The following JAZF1 variants were observed in gnomAD, a reference collection of about 807,000 sequenced individuals.
The protein encoded by JAZF1 is juxtaposed with another zinc finger protein 1.
JAZF1 carries 8 observed loss-of-function variants against 26.4 expected under a neutral mutation model. That is an observed-to-expected ratio of 0.30 (90% CI 0.18 to 0.55). The LOEUF (loss-of-function observed/expected upper bound fraction) is 0.55. JAZF1 is among the 20% of genes least tolerant of loss of function. The pLI, the probability that JAZF1 is intolerant of heterozygous loss-of-function variation, is 0.94. For synonymous variants in JAZF1, 126 were observed against 122.3 expected (o/e 1.03, Z -0.20); for missense variants, 199 against 322.0 (o/e 0.62, Z 2.92).
chr7:28,072,464 A>G lies in JAZF1; in HGVS notation c.116-80483T>C, dbSNP rs192789224. On this transcript the variant is annotated intron_variant, in intron 1 of 4. Transcript: ENST00000283928. ...TATGGATATGGCTATATGCAACTCT[A>G]TGCTTAAATAGCATATAACAATTCC... Among the ~76,000 whole-genome samples, 123 of 152,384 alleles carry G rather than the reference A, an allele frequency of 8.1e-4. 1 individual carries two copies. Among genetic ancestry groups the G allele is most frequent in the Non-Finnish European group, 9.0e-4 (61 of 68,040 alleles).
At chr7:28,148,400 T>A (rs994783122) in intron 1 of JAZF1, among the ~76,000 whole-genome samples, 1 of 152,182 alleles carries the variant, frequency 6.6e-6, no homozygotes, top group Non-Finnish European at 1.5e-5. Context: ...CTACACACCA[T>A]AATTTTTTAG....
At chr7:28,080,662 G>A (rs527291310) in intron 1 of JAZF1, among the ~76,000 whole-genome samples, 50 of 152,298 alleles carry the variant, frequency 3.3e-4, no homozygotes, top group Middle Eastern at 3.4e-3. Flanking sequence ...GAATAGGCAG[G>A]CTCAGGGAGA....
At chr7:28,057,459 A>C (rs1235933495) in intron 1 of JAZF1, among the ~76,000 whole-genome samples, 1 of 152,178 alleles carries the variant, frequency 6.6e-6, no homozygotes, top group Admixed American at 6.5e-5. Flanking sequence ...TATATGTATT[A>C]TCTCATTTAA....
chr7:27,982,252 A>G (rs1260047718), intron 2 of JAZF1, among the ~76,000 whole-genome samples: 1 of 152,052 alleles, frequency 6.6e-6, no homozygotes, highest in East Asian at 1.9e-4. Flanking sequence ...CTCCCATCCT[A>G]ATACTGCACT....
intron 1 of JAZF1, among the ~76,000 whole-genome samples, chr7:28,160,226 T>G (rs1444390170): frequency 1.3e-5 from 2 of 152,014 alleles, no homozygotes; most frequent in Non-Finnish European, 2.9e-5. Context: ...TGGGGGTACA[T>G]AGTGAAAAAA....
At chr7:28,134,586 T>A (rs1782849305) in intron 1 of JAZF1, among the ~76,000 whole-genome samples, 1 of 151,924 alleles carries the variant, frequency 6.6e-6, no homozygotes, top group South Asian at 2.1e-4. Context: ...GTGCTGGGAT[T>A]ACAGGCACAA....
intron 1 of JAZF1, among the ~76,000 whole-genome samples, chr7:28,010,025 ATCTCTAGT>A (rs1208017020): frequency 1.3e-5 from 2 of 152,120 alleles, no homozygotes; most frequent in African/African-American, 4.8e-5. Flanking sequence ...ATTCAAACTC[ATCTCTAGT>A]TCTCTACATG....
intron 2 of JAZF1, among the ~76,000 whole-genome samples, chr7:27,912,478 T>C (rs1784374045): frequency 6.6e-6 from 1 of 152,064 alleles, no homozygotes; most frequent in Non-Finnish European, 1.5e-5. Context: ...CTGCATCCTA[T>C]CGAACGATAG....
chr7:28,092,029 G>T (rs1784305157), intron 1 of JAZF1, among the ~76,000 whole-genome samples: 2 of 151,948 alleles, frequency 1.3e-5, no homozygotes, highest in South Asian at 4.1e-4. Flanking sequence ...GTGAGAAAAG[G>T]TTTAGATTTG....
In JAZF1 at chr7:27,858,639, C is replaced by T. The variant is rs150400578; in HGVS notation, c.386-17772G>A. Among the ~76,000 whole-genome samples the T allele has an allele frequency of 1.8e-3, 276 of 152,258 alleles. 1 individual carries two copies. Among genetic ancestry groups the T allele is most frequent in the Admixed American group, 4.1e-3 (62 of 15,294 alleles). On this transcript the variant is annotated intron_variant, in intron 3 of 4. Transcript: ENST00000283928. ...AAAATAAGCAATGGGGAAAGGATTC[C>T]CTATTTAATAAATGCTGTTGGGAAA...
chr7:28,145,730 C>T (rs985652271), intron 1 of JAZF1, among the ~76,000 whole-genome samples: 4 of 149,658 alleles, frequency 2.7e-5, no homozygotes, highest in Middle Eastern at 3.4e-3. Context: ...AAAAAAAAAA[C>T]AGAACATTTG....
At chr7:28,022,509 TAAC>T (rs1266314467) in intron 1 of JAZF1, among the ~76,000 whole-genome samples, 2 of 152,180 alleles carry the variant, frequency 1.3e-5, no homozygotes, top group Non-Finnish European at 2.9e-5. Context: ...TAAAAAATAA[TAAC>T]ATTTATACTT....
intron 3 of JAZF1, among the ~76,000 whole-genome samples, chr7:27,854,388 T>C (rs151320177): frequency 1.3e-5 from 2 of 152,266 alleles, no homozygotes; most frequent in African/African-American, 4.8e-5. Flanking sequence ...AATATTGTTA[T>C]GTATGAATTT....
intron 1 of JAZF1, among the ~76,000 whole-genome samples, chr7:28,071,261 G>A (rs1186556976): frequency 2.6e-5 from 4 of 152,260 alleles, no homozygotes; most frequent in East Asian, 1.9e-4. Flanking sequence ...CAAGACCTGC[G>A]TTCATAACGT....
intron 1 of JAZF1, among the ~76,000 whole-genome samples, chr7:28,129,716 T>A (rs1782757938): frequency 6.6e-6 from 1 of 152,142 alleles, no homozygotes; most frequent in Non-Finnish European, 1.5e-5. Flanking sequence ...AAGTTATACA[T>A]GTTCATTATA....
At chr7:27,883,578 C>A (rs1783806998) in intron 3 of JAZF1, among the ~76,000 whole-genome samples, 1 of 152,224 alleles carries the variant, frequency 6.6e-6, no homozygotes, top group Admixed American at 6.5e-5. Context: ...GTCAGAGAAA[C>A]TGGACTACTT....
chr7:28,071,169 G>C (rs1398061213), intron 1 of JAZF1, among the ~76,000 whole-genome samples: 2 of 152,210 alleles, frequency 1.3e-5, no homozygotes, highest in Non-Finnish European at 2.9e-5. Context: ...AATGCGGTGT[G>C]ATACAAAGAT....
At chr7:27,999,057 A>G (rs1297170970) in intron 1 of JAZF1, among the ~76,000 whole-genome samples, 1 of 152,204 alleles carries the variant, frequency 6.6e-6, no homozygotes, top group African/African-American at 2.4e-5. Flanking sequence ...TGTCCACCCA[A>G]GCTCTCGCCT....
intron 1 of JAZF1, among the ~76,000 whole-genome samples, chr7:28,174,596 C>T (rs1423231268): frequency 6.6e-6 from 1 of 152,204 alleles, no homozygotes; most frequent in Admixed American, 6.5e-5. Context: ...GTTCTGGTGT[C>T]TGTACATTTC....
Sources: gnomAD v4.1 joint callset for allele counts (sites outside exome capture counted in the v4.1 genomes callset) on GRCh38, gnomAD v4.1.1 for gene constraint, MANE v1.5 for transcripts, NCBI Gene and HGNC (gene_info 2026-07-23, HGNC 2026-07-21) for gene names.